Variants in KAZN observed in about 807,000 individuals in gnomAD.
KAZN encodes kazrin, periplakin interacting protein.
KAZN carries 40 observed loss-of-function variants against 87.4 expected under a neutral mutation model. The observed-to-expected ratio is 0.46, with a 90% confidence interval of 0.36 to 0.60. The LOEUF is 0.60. KAZN is among the 20% of genes least tolerant of loss of function. The pLI is 0.00. For missense variants in KAZN, 898 were observed against 1,073.9 expected (o/e 0.84, Z 2.29); for synonymous variants, 466 against 458.3 (o/e 1.02, Z -0.22).
rs554832799 is a variant in KAZN at position 14,917,462 on chromosome 1, G to T, written c.227-43222G>T. 9.9e-5 allele frequency among the ~76,000 whole-genome samples: 15 copies of T among 152,264 alleles called. No homozygotes were observed. The South Asian group carries it at 2.1e-3, about 21-fold the overall frequency. On this transcript the variant is annotated intron_variant, in intron 1 of 14. Transcript: ENST00000376030. ...ATAGAGATAGCAGGGAGTGTGTCCC[G>T]CTCAGAAGCCGTGGGCAGGTCACTC...
intron 2 of KAZN, among the ~76,000 whole-genome samples, chr1:15,020,978 T>C (rs1168955197): frequency 6.6e-6 from 1 of 152,176 alleles, no homozygotes; most frequent in East Asian, 1.9e-4. Context: ...GGGAAAAGGC[T>C]GCTGCCTGCA....
At chr1:14,236,377 C>T (rs1159948420) in intron 2 of KAZN, among the ~76,000 whole-genome samples, 1 of 152,140 alleles carries the variant, frequency 6.6e-6, no homozygotes, top group Non-Finnish European at 1.5e-5. Flanking sequence ...CTGCCCAGGT[C>T]TTCCTCTTGT....
chr1:14,282,587 G>A (rs1323493253), intron 2 of KAZN, among the ~76,000 whole-genome samples: 1 of 152,168 alleles, frequency 6.6e-6, no homozygotes, highest in Admixed American at 6.5e-5. Context: ...ACACAAAGAA[G>A]CCCTGGGGCT....
chr1:14,427,582 C>A lies in KAZN; in HGVS notation c.250-171401C>A, dbSNP rs1044190737. Among the ~76,000 whole-genome samples, 5 of 149,214 alleles carry A rather than the reference C, an allele frequency of 3.4e-5. No homozygotes were observed. In the Admixed American group the frequency reaches 3.4e-4, roughly 10 times the overall value. The stretch of plus-strand genomic sequence containing the variant: ...TAAATTAAAGGTACATATGTGTACA[C>A]ATATGTGTATACATGTATACTGTGT... On this transcript the variant is annotated intron_variant, in intron 2 of 16. Transcript: ENST00000636203.
chr1:14,020,900 TGGAACCCGAG>T (rs1474835753), intron 1 of KAZN, among the ~76,000 whole-genome samples: 1 of 151,976 alleles, frequency 6.6e-6, no homozygotes, highest in African/African-American at 2.4e-5. Flanking sequence ...GATGAGTCTT[TGGAACCCGAG>T]GGTCAGGCAC....
At chr1:14,230,533 G>A (rs1021948818) in intron 2 of KAZN, among the ~76,000 whole-genome samples, 11 of 152,084 alleles carry the variant, frequency 7.2e-5, no homozygotes, top group Non-Finnish European at 1.3e-4. Flanking sequence ...AACTCGGGTC[G>A]GAGTCCAATC....
chr1:14,284,570 G>A (rs1047593959), intron 2 of KAZN, among the ~76,000 whole-genome samples: 3 of 152,192 alleles, frequency 2.0e-5, no homozygotes, highest in African/African-American at 7.2e-5. Flanking sequence ...CAGAAAATGA[G>A]TGTTGTCTTT....
intron 2 of KAZN, among the ~76,000 whole-genome samples, chr1:14,447,008 A>T (rs939415647): frequency 2.6e-5 from 4 of 152,162 alleles, no homozygotes. Context: ...CCCGTCACCC[A>T]GTTAGTGAGC....
intron 2 of KAZN, among the ~76,000 whole-genome samples, chr1:14,382,470 C>CCCCCCT (rs1661453664): frequency 1.3e-5 from 1 of 75,832 alleles, no homozygotes; most frequent in Non-Finnish European, 2.4e-5. Flanking sequence ...CCTCCCCCCT[C>CCCCCCT]CCCCCACCCC....
chr1:14,869,852 G>T (rs1328779711), intron 1 of KAZN, among the ~76,000 whole-genome samples: 1 of 152,220 alleles, frequency 6.6e-6, no homozygotes, highest in Non-Finnish European at 1.5e-5. Context: ...AAAATCCAGT[G>T]TTATTAAAAG....
chr1:14,924,237 G>A (rs1339303517), intron 1 of KAZN: 1 of 981,600 alleles, frequency 1.0e-6, no homozygotes, highest in East Asian at 1.2e-4. Context: ...CGCGCCGCCG[G>A]CCGGGCGGGA....
rs996729414 is a variant in KAZN at position 15,086,916 on chromosome 1, C to T, written c.1223-7264C>T. Among the ~76,000 whole-genome samples, 3 of 152,370 alleles carry T rather than the reference C, an allele frequency of 2.0e-5. No homozygotes were observed. In the South Asian group the frequency reaches 6.2e-4, roughly 32 times the overall value. ...ATTATCTGGTGGGTTATGAAGCAGA[C>T]CACTGGGCTCCACCCCCAGAGTTTC... On this transcript the variant is annotated intron_variant, in intron 8 of 14. Coordinates refer to ENST00000376030, the MANE Select transcript of KAZN (RefSeq NM_201628.3).
At chr1:13,918,830 T>C (rs1437677869) in intron 1 of KAZN, among the ~76,000 whole-genome samples, 1 of 152,194 alleles carries the variant, frequency 6.6e-6, no homozygotes, top group African/African-American at 2.4e-5. Flanking sequence ...TATTAGCATT[T>C]TTTATTTTTT....
intron 1 of KAZN, among the ~76,000 whole-genome samples, chr1:14,712,150 G>C (rs533953504): frequency 6.6e-6 from 1 of 152,322 alleles, no homozygotes; most frequent in South Asian, 2.1e-4. Flanking sequence ...AGCCACCAAA[G>C]GGTTGAAGCA....
At chr1:15,016,048 A>G (rs1670059099) in intron 2 of KAZN, among the ~76,000 whole-genome samples, 1 of 152,160 alleles carries the variant, frequency 6.6e-6, no homozygotes, top group African/African-American at 2.4e-5. Flanking sequence ...CGATGGTGTT[A>G]AGGTGAAGAT....
At chr1:13,923,291 T>C (rs1640132274) in intron 1 of KAZN, among the ~76,000 whole-genome samples, 1 of 152,152 alleles carries the variant, frequency 6.6e-6, no homozygotes, top group African/African-American at 2.4e-5. Flanking sequence ...ATAATTACCA[T>C]GGCTGGGGGT....
At chr1:14,237,369 T>A (rs550975146) in intron 2 of KAZN, among the ~76,000 whole-genome samples, 1 of 152,136 alleles carries the variant, frequency 6.6e-6, no homozygotes, top group African/African-American at 2.4e-5. Flanking sequence ...GAGTACCAAT[T>A]GCTTAGGAAA....
At chr1:14,065,943 A>G (rs1001894393) in intron 1 of KAZN, among the ~76,000 whole-genome samples, 3 of 152,130 alleles carry the variant, frequency 2.0e-5, no homozygotes, top group African/African-American at 7.2e-5. Context: ...CATTGTATCC[A>G]ATATGTAGTT....
intron 1 of KAZN, among the ~76,000 whole-genome samples, chr1:14,758,263 T>C (rs1197729561): frequency 2.0e-5 from 3 of 152,052 alleles, no homozygotes; most frequent in Non-Finnish European, 4.4e-5. Context: ...CCTCCTGGGC[T>C]CAAGCGATCC....
Sources: allele counts gnomAD v4.1 joint callset (sites outside exome capture counted in the v4.1 genomes callset), GRCh38; gene constraint gnomAD v4.1.1; transcripts MANE v1.5; gene names NCBI Gene and HGNC (gene_info 2026-07-23, HGNC 2026-07-21).